The following GRID2 variants were observed in gnomAD, a reference collection of about 807,000 sequenced individuals.
GRID2 encodes the protein glutamate receptor ionotropic, delta-2.
A neutral mutation model predicts 114.8 loss-of-function variants in GRID2; 33 were observed. The ratio of observed to expected loss-of-function variants is 0.29; its 90% CI spans 0.22 to 0.38. The LOEUF is 0.38. GRID2 is among the 10% of genes least tolerant of loss of function. The probability of loss-of-function intolerance (pLI) is 1.00; values close to 1 mark genes in which losing one functional copy is unlikely to be tolerated. For missense variants in GRID2, 1,184 were observed against 1,257.7 expected (o/e 0.94, Z 0.89); for synonymous variants, 505 against 449.9 (o/e 1.12, Z -1.55).
At chr4:92,733,791 T>C (rs1340708780) in intron 2 of GRID2, among the ~76,000 whole-genome samples, 1 of 152,058 alleles carries the variant, frequency 6.6e-6, no homozygotes, top group African/African-American at 2.4e-5. Context: ...CCTTTAAAAC[T>C]GGTGTGATTA....
intron 2 of GRID2, among the ~76,000 whole-genome samples, chr4:92,698,668 A>G (rs1170272172): frequency 1.3e-5 from 2 of 151,958 alleles, no homozygotes; most frequent in Admixed American, 6.6e-5. Flanking sequence ...GTAGAAATAC[A>G]AAGAAGCTTC....
At chr4:92,932,776 A>G (rs1210610231) in intron 2 of GRID2, among the ~76,000 whole-genome samples, 1 of 151,326 alleles carries the variant, frequency 6.6e-6, no homozygotes, top group Admixed American at 6.6e-5. Flanking sequence ...TGAATCTAAA[A>G]AAGTCTTTAT....
chr4:92,796,448 C>A, intron 2 of GRID2, among the ~76,000 whole-genome samples: 1 of 151,910 alleles, frequency 6.6e-6, no homozygotes, highest in African/African-American at 2.4e-5. Context: ...TCGTGTTCAT[C>A]TTTGCCTTCA....
chr4:92,769,400 A>G (rs930630320), intron 2 of GRID2, among the ~76,000 whole-genome samples: 1 of 152,122 alleles, frequency 6.6e-6, no homozygotes, highest in African/African-American at 2.4e-5. Context: ...CACATGGTAC[A>G]AGCTGTTGGT....
At chr4:92,634,859 C>CAGAGAGAGAGAGAGAGAGAG (rs71682478) in intron 2 of GRID2, among the ~76,000 whole-genome samples, 1 of 143,124 alleles carries the variant, frequency 7.0e-6, no homozygotes, top group African/African-American at 2.5e-5. Context: ...TGCAGAGAGA[C>CAGAGAGAGAGAGAGAGAGAG]AGAGAGAGAG....
intron 14 of GRID2, among the ~76,000 whole-genome samples, chr4:93,637,174 T>A (rs1310303017): frequency 6.6e-6 from 1 of 152,134 alleles, no homozygotes; most frequent in Non-Finnish European, 1.5e-5. Flanking sequence ...GTTCTCTAAC[T>A]TATAAAGAAA....
At chr4:93,676,088 G>T (rs1724831292) in intron 14 of GRID2, among the ~76,000 whole-genome samples, 1 of 152,140 alleles carries the variant, frequency 6.6e-6, no homozygotes, top group Admixed American at 6.6e-5. Context: ...TCAGTATGTT[G>T]CACAAAACAG....
At chr4:93,532,663 T>C (rs938923490) in intron 13 of GRID2, among the ~76,000 whole-genome samples, 1 of 152,144 alleles carries the variant, frequency 6.6e-6, no homozygotes, top group African/African-American at 2.4e-5. Context: ...TTAACACAAA[T>C]ACATTTATGC....
At chr4:92,802,588 G>T (rs1740226870) in intron 2 of GRID2, among the ~76,000 whole-genome samples, 1 of 151,774 alleles carries the variant, frequency 6.6e-6, no homozygotes, top group Admixed American at 6.6e-5. Flanking sequence ...ACCAATTCCA[G>T]TTATTATACA....
chr4:92,647,627 T>G (rs1377323764), intron 2 of GRID2, among the ~76,000 whole-genome samples: 1 of 149,708 alleles, frequency 6.7e-6, no homozygotes. Context: ...TAGTTAAAAA[T>G]TTCTATAGCA....
intron 2 of GRID2, among the ~76,000 whole-genome samples, chr4:92,863,259 C>T (rs1233777986): frequency 2.0e-5 from 3 of 152,004 alleles, no homozygotes; most frequent in Non-Finnish European, 4.4e-5. Flanking sequence ...AGTTAATTGC[C>T]TTTTAAACTC....
intron 1 of GRID2, among the ~76,000 whole-genome samples, chr4:93,798,432 C>A (rs373545025): frequency 6.6e-6 from 1 of 152,016 alleles, no homozygotes; most frequent in African/African-American, 2.4e-5. Flanking sequence ...GCCGCCTAGA[C>A]AAGATGACTG....
At chr4:93,091,620 T>C (rs747805811) in intron 3 of GRID2, among the ~76,000 whole-genome samples, 1 of 152,162 alleles carries the variant, frequency 6.6e-6, no homozygotes, top group Non-Finnish European at 1.5e-5. Flanking sequence ...AACTGTGATG[T>C]CATCTTTTTT....
intron 1 of GRID2, among the ~76,000 whole-genome samples, chr4:92,336,954 GT>G (rs59093874): frequency 3.2e-4 from 25 of 78,184 alleles, no homozygotes; most frequent in African/African-American, 7.4e-4. Flanking sequence ...TTTCGTTGTT[GT>G]TTTTTTTTTT....
intron 1 of GRID2, among the ~76,000 whole-genome samples, chr4:92,406,456 A>G (rs1731031294): frequency 1.3e-5 from 2 of 152,160 alleles, no homozygotes; most frequent in Non-Finnish European, 2.9e-5. Context: ...TTACTGGCCT[A>G]GAACAGAAAA....
intron 2 of GRID2, among the ~76,000 whole-genome samples, chr4:92,984,785 C>A (rs1754407062): frequency 6.6e-6 from 1 of 150,700 alleles, no homozygotes; most frequent in African/African-American, 2.4e-5. Context: ...TTTTTTTTCC[C>A]AGTCTTGACA....
At position 93,605,471 on chromosome 4, in the gene GRID2, G is replaced by A. The variant is rs142245430; in HGVS notation, c.2194-20798G>A. Among the ~76,000 whole-genome samples, 61 of 152,080 alleles carry A rather than the reference G, an allele frequency of 4.0e-4. No individual in the cohort carries two copies. The East Asian group carries it at 0.011, about 28-fold the overall frequency. ...TAACTTAAATACCTTTATTCTGATG[G>A]AACACTATGTATAGTCTATATATAG... is the stretch of plus-strand genomic sequence containing the variant. On this transcript the variant is annotated intron_variant, in intron 13 of 15. Transcript: ENST00000282020.
rs1170284744 is a variant in GRID2 at position 92,933,873 on chromosome 4, A to G, written c.245-151122A>G. On this transcript the variant is annotated intron_variant, in intron 2 of 15. Coordinates refer to ENST00000282020, the MANE Select transcript of GRID2 (RefSeq NM_001510.4). ...GAAATGGAATGTTGTATATCTTCTT[A>G]GATTCACTTTGTTTGTAAAAGGGAG... Among the ~76,000 whole-genome samples the G allele has an allele frequency of 5.3e-5, 8 of 151,780 alleles. No individual in the cohort carries two copies. The East Asian group carries it at 1.5e-3, about 29-fold the overall frequency.
At chr4:93,484,304 C>G (rs1022476799) in intron 11 of GRID2, among the ~76,000 whole-genome samples, 2 of 151,882 alleles carry the variant, frequency 1.3e-5, no homozygotes, top group Non-Finnish European at 2.9e-5. Context: ...ATGGGATCAT[C>G]AACACTGCCA....
Sources: gnomAD v4.1 joint callset for allele counts (sites outside exome capture counted in the v4.1 genomes callset) on GRCh38, gnomAD v4.1.1 for gene constraint, MANE v1.5 for transcripts, NCBI Gene and HGNC (gene_info 2026-07-23, HGNC 2026-07-21) for gene names.